ZNF681: variants seen among roughly 807,000 people sequenced by gnomAD.
The protein encoded by ZNF681 is hypothetical protein FLJ31526.
In ZNF681, 37 loss-of-function variants were observed where a neutral mutation model predicts 56.0. The observed-to-expected ratio is 0.66, with a 90% CI of 0.51 to 0.87. The LOEUF is 0.87. Ranked by LOEUF, ZNF681 falls within the 40% of genes least tolerant of loss-of-function variation. ZNF681 has a pLI of 0.00. For synonymous variants in ZNF681, 225 were observed against 248.6 expected (o/e 0.91, Z 0.89); for missense variants, 741 against 744.9 (o/e 0.99, Z 0.06).
chr19:23,756,973 C>T (rs35605284), intron 1 of ZNF681, among the ~76,000 whole-genome samples: 68,171 of 151,704 alleles, frequency 0.45, 16,358 homozygotes, highest in Non-Finnish European at 0.56. Flanking sequence ...TGGGTTCACG[C>T]AATTCTCCGA....
chr19:23,755,216 C>T (rs1969094156), intron 2 of ZNF681, among the ~76,000 whole-genome samples: 1 of 152,056 alleles, frequency 6.6e-6, no homozygotes, highest in Non-Finnish European at 1.5e-5. Flanking sequence ...GTGAAGAATA[C>T]AGATTAGCTC....
Position 23,758,876 on chromosome 19 carries a change from G to T in ZNF681, c.-127C>A. 2 of 1,351,466 alleles carry T rather than the reference G, an allele frequency of 1.5e-6. No homozygotes were observed. Among genetic ancestry groups the T allele is most frequent in the South Asian group, 1.3e-5 (1 of 76,510 alleles). The allele number at this position is 1,351,466 out of a possible 1,614,324, so 83.7% of individuals were successfully genotyped here. ...CAGTGAAGACGAGACCCGGAGCTCG[G>T]GCTGAAGGGAGAGACAAAGGCCCCG... On this transcript the variant is annotated 5_prime_UTR_variant, in exon 1 of 4. Transcript: ENST00000402377.
chr19:23,749,323 G>A (rs781267423), intron 3 of ZNF681, among the ~76,000 whole-genome samples: 4 of 122,420 alleles, frequency 3.3e-5, no homozygotes, highest in Non-Finnish European at 8.0e-5. Context: ...TTTGTCAAGG[G>A]CTGGAGAGAG....
intron 3 of ZNF681, among the ~76,000 whole-genome samples, chr19:23,754,434 C>T (rs766185928): frequency 1.3e-5 from 2 of 152,062 alleles, no homozygotes; most frequent in South Asian, 2.1e-4. Flanking sequence ...GAGGCCAAGG[C>T]GGGCAGATCA....
At chr19:23,751,001 T>G (rs1391554301) in intron 3 of ZNF681, among the ~76,000 whole-genome samples, 1 of 143,380 alleles carries the variant, frequency 7.0e-6, no homozygotes. Context: ...TGGTGGCACA[T>G]GCCTGTAATC....
chr19:23,749,626 T>A (rs900517217), intron 3 of ZNF681, among the ~76,000 whole-genome samples: 47 of 151,030 alleles, frequency 3.1e-4, no homozygotes, highest in African/African-American at 1.1e-3. Flanking sequence ...AAAAAAAAAA[T>A]TTGTAGAGTG....
chr19:23,756,062 C>T lies in ZNF681; in HGVS notation c.4-511G>A, dbSNP rs147352495. Among the ~76,000 whole-genome samples, 548 of 152,248 alleles carry T rather than the reference C, an allele frequency of 3.6e-3. 4 individuals are homozygous for T. Among genetic ancestry groups the T allele is most frequent in the African/African-American group, 0.013 (531 of 41,554 alleles). On this transcript the variant is annotated intron_variant, in intron 1 of 3. Coordinates refer to ENST00000402377, the MANE Select transcript of ZNF681 (RefSeq NM_138286.3). Reference sequence around the variant, plus strand: ...ACATATGTGGCTGGGCGCAGTGGCTCAACCTGTAATCCCAGCACTTTGGGA... The same window carrying T: ...ACATATGTGGCTGGGCGCAGTGGCTTAACCTGTAATCCCAGCACTTTGGGA...
chr19:23,745,031 T>C lies in ZNF681; in HGVS notation c.519A>G (p.Lys173=). ...ATATGCAAAATGATTTGCCAAATTCTTTATATTTAAAAGGTTTTTTTCTGG... is the reference window on the plus strand; with the variant it reads ...ATATGCAAAATGATTTGCCAAATTCCTTATATTTAAAAGGTTTTTTTCTGG... ...RHTRKKPFKY[K]EFGKSFCIFS... The change falls in exon 4 of 4, where the codon AAA becomes AAG. Residue 173 remains lysine, a synonymous_variant. Coordinates refer to ENST00000402377, the MANE Select transcript of ZNF681 (RefSeq NM_138286.3). The C allele has an allele frequency of 6.3e-7, 1 of 1,593,364 alleles. No homozygotes were observed. Among genetic ancestry groups the C allele is most frequent in the Non-Finnish European group, 8.6e-7 (1 of 1,168,264 alleles).
Position 23,742,162 on chromosome 19 carries a change from T to C in ZNF681, c.*1450A>G, listed in dbSNP as rs1038070476. 28 of 152,118 alleles carry C rather than the reference T, an allele frequency of 1.8e-4. No homozygotes were observed. Among genetic ancestry groups the C allele is most frequent in the Non-Finnish European group, 2.4e-4 (16 of 68,024 alleles). 9.4% of individuals were successfully genotyped at this position (152,118 alleles called of 1,614,324 possible). ...GCCTGATTAATAAGTTCACACATTA[T>C]CTAAAAATTTTAAAATGTACTACAT... On this transcript the variant is annotated 3_prime_UTR_variant, in exon 4 of 4. Transcript: ENST00000402377.
chr19:23,756,122 G>A (rs1412806626), intron 1 of ZNF681, among the ~76,000 whole-genome samples: 8 of 151,920 alleles, frequency 5.3e-5, no homozygotes, highest in Non-Finnish European at 1.2e-4. Context: ...TCAGGAGATC[G>A]AGACCATCCT....
In ZNF681 at chr19:23,741,344, G is replaced by C. The variant is rs1247613011; in HGVS notation, c.*2268C>G. 2 of 152,116 alleles carry C rather than the reference G, an allele frequency of 1.3e-5. No homozygotes were observed. The highest frequency in any genetic ancestry group is 4.8e-5 in the African/African-American group (2 of 41,416). The allele number at this position is 152,116 out of a possible 1,614,324, so 9.4% of individuals were successfully genotyped here. On this transcript the variant is annotated 3_prime_UTR_variant, in exon 4 of 4. Coordinates refer to ENST00000402377, the MANE Select transcript of ZNF681 (RefSeq NM_138286.3). ...GTTAATTCAGGTCTCAGAAATGTAT[G>C]CATTTTGTTTATATTGTTTTCTTAT...
intron 3 of ZNF681, 36 bp downstream of exon 3, chr19:23,754,787 A>G: frequency 6.5e-7 from 1 of 1,529,210 alleles, no homozygotes. Flanking sequence ...CCGCTCATCT[A>G]TGTTATCTGT....
chr19:23,747,809 T>G (rs185026066), intron 3 of ZNF681, among the ~76,000 whole-genome samples: 331 of 152,134 alleles, frequency 2.2e-3, no homozygotes, highest in African/African-American at 7.5e-3. Flanking sequence ...AAGGTGGTAC[T>G]GACACAAAGA....
At chr19:23,751,569 G>A (rs1969032267) in intron 3 of ZNF681, among the ~76,000 whole-genome samples, 1 of 152,112 alleles carries the variant, frequency 6.6e-6, no homozygotes, top group East Asian at 1.9e-4. Context: ...TTGAATAACT[G>A]GCATGTGCTC....
chr19:23,744,589 G>C lies in ZNF681; in HGVS notation c.961C>G (p.Gln321Glu), dbSNP rs772395947. The C allele has an allele frequency of 1.2e-6, 2 of 1,613,954 alleles. No individual in the cohort carries two copies. The highest frequency in any genetic ancestry group is 1.7e-6 in the Non-Finnish European group (2 of 1,179,968). Residue 321 changes from glutamine (Q) to glutamate (E), a missense_variant, in exon 4 of 4, where the codon CAG becomes GAG. Physicochemically the swap from Gln to Glu is conservative, Grantham distance 29. Coordinates refer to ENST00000402377, the MANE Select transcript of ZNF681 (RefSeq NM_138286.3). ...EYKECGKAFN[Q>E]SSHLTRHKII... ...TTATGTCTGGTAAGGTGTGAGGACT[G>C]GTTGAAAGCTTTGCCACATTCCTTA...
chr19:23,747,570 G>A (rs1208151111), intron 3 of ZNF681, among the ~76,000 whole-genome samples: 3 of 149,972 alleles, frequency 2.0e-5, no homozygotes, highest in African/African-American at 7.4e-5. Context: ...AACCTGGGAG[G>A]CGGAGCTTGC....
Position 23,758,630 on chromosome 19 carries a change from T to G in ZNF681, c.3+117A>C, listed in dbSNP as rs1364629091. 8 of 1,529,076 alleles carry G rather than the reference T, an allele frequency of 5.2e-6. No homozygotes were observed. The South Asian group carries it at 6.7e-5, about 13-fold the overall frequency. 94.7% of individuals were successfully genotyped at this position (1,529,076 alleles called of 1,614,324 possible). On this transcript the variant is annotated intron_variant, in intron 1 of 3. Transcript: ENST00000402377. ...CCGCCATCTTATGGTCCAAGTGGAC[T>G]GAGGCCGCCTGGGCGAGGAGAACTC... is the stretch of plus-strand genomic sequence containing the variant.
At position 23,740,436 on chromosome 19, in the gene ZNF681, A is replaced by T. The variant is rs1968862642; in HGVS notation, c.*3176T>A. The T allele has an allele frequency of 6.6e-6, 1 of 152,194 alleles. No individual in the cohort carries two copies. Among genetic ancestry groups the T allele is most frequent in the South Asian group, 2.1e-4 (1 of 4,834 alleles). 9.4% of individuals were successfully genotyped at this position (152,194 alleles called of 1,614,324 possible). A position where few individuals can be genotyped will look rare whatever the true frequency, so the allele number is the denominator to read the frequency against. ...ACAATTTTTTAATTCAGCAAAACTG[A>T]GCTTTGCAGCCTGAAAATAAATGTC... On this transcript the variant is annotated 3_prime_UTR_variant, in exon 4 of 4. Transcript: ENST00000402377.
Position 23,742,618 on chromosome 19 carries a change from C to T in ZNF681, c.*994G>A, listed in dbSNP as rs1022302819. ...AATATTATAAATTAACCAGAAAGAG[C>T]CTCTCCACTTACATTTTCATCTTGC... On this transcript the variant is annotated 3_prime_UTR_variant, in exon 4 of 4. Transcript: ENST00000402377. 1 of 152,070 alleles carries T rather than the reference C, an allele frequency of 6.6e-6. No homozygotes were observed. The highest frequency in any genetic ancestry group is 6.6e-5 in the Admixed American group (1 of 15,264). The allele number at this position is 152,070 out of a possible 1,614,324, so 9.4% of individuals were successfully genotyped here.
Sources: gnomAD v4.1 joint callset for allele counts (sites outside exome capture counted in the v4.1 genomes callset) on GRCh38, gnomAD v4.1.1 for gene constraint, MANE v1.5 for transcripts, NCBI Gene and HGNC (gene_info 2026-07-23, HGNC 2026-07-21) for gene names.